The following VRK2 variants were observed in gnomAD, a reference collection of about 807,000 sequenced individuals.
VRK2 encodes serine/threonine-protein kinase VRK2.
A neutral mutation model predicts 57.6 loss-of-function variants in VRK2; 60 were observed. The observed-to-expected ratio is 1.04, with a 90% CI of 0.85 to 1.29. The LOEUF (loss-of-function observed/expected upper bound fraction) is 1.29. Ranked by LOEUF, VRK2 falls within the 50% of genes most tolerant of loss-of-function variation. The probability of loss-of-function intolerance (pLI) is 0.00; values close to 1 mark genes in which losing one functional copy is unlikely to be tolerated. For missense variants in VRK2, 705 were observed against 588.1 expected (o/e 1.20, Z -2.06); for synonymous variants, 231 against 199.2 (o/e 1.16, Z -1.35).
chr2:57,931,518 AC>A (rs1395026432), intron 1 of VRK2, among the ~76,000 whole-genome samples: 3 of 152,070 alleles, frequency 2.0e-5, no homozygotes, highest in African/African-American at 2.4e-5. Flanking sequence ...CTGAATATTA[AC>A]CCCATATCAG....
Position 58,101,423 on chromosome 2 carries a change from C to CACTATAT in VRK2, c.543+11701_543+11707dup, listed in dbSNP as rs1251226348. Reference sequence around the variant, plus strand: ...GCATCTCCAAAAACTAAGGACAATTCACTATATTATCAGAATGTGATTACT... The same window carrying CACTATAT: ...GCATCTCCAAAAACTAAGGACAATTCACTATATACTATATTATCAGAATGTGATTACT... On this transcript the variant is annotated intron_variant, in intron 7 of 12. Transcript: ENST00000340157. 3.5e-4 allele frequency among the ~76,000 whole-genome samples: 53 copies of CACTATAT among 151,708 alleles called. 1 individual carries two copies. Among genetic ancestry groups the CACTATAT allele is most frequent in the African/African-American group, 1.1e-3 (47 of 41,494 alleles).
chr2:57,936,503 T>TTTTTG (rs1010338183), intron 1 of VRK2, among the ~76,000 whole-genome samples: 1 of 151,632 alleles, frequency 6.6e-6, no homozygotes, highest in Non-Finnish European at 1.5e-5. Context: ...TGCTTTCATT[T>TTTTTG]TTTTGTTTTG....
intron 2 of VRK2, among the ~76,000 whole-genome samples, chr2:58,050,754 G>C (rs919390149): frequency 6.6e-6 from 1 of 152,132 alleles, no homozygotes; most frequent in Non-Finnish European, 1.5e-5. Context: ...TATGATAAAG[G>C]AATATACTTG....
intron 2 of VRK2, among the ~76,000 whole-genome samples, chr2:58,059,640 A>G (rs1003612156): frequency 5.9e-5 from 9 of 151,934 alleles, no homozygotes; most frequent in Middle Eastern, 7.5e-3. Context: ...TTGGAAAATT[A>G]TTTTTAAATA....
At chr2:57,928,343 A>G (rs975068274) in intron 1 of VRK2, among the ~76,000 whole-genome samples, 17 of 152,072 alleles carry the variant, frequency 1.1e-4, no homozygotes, top group Admixed American at 9.2e-4. Flanking sequence ...ATTCTTTACT[A>G]TGTCCATTGC....
At chr2:58,088,226 A>G in intron 5 of VRK2, 115 bp from the exon 6 acceptor site, 1 of 713,364 alleles carries the variant, frequency 1.4e-6, no homozygotes. Context: ...AATGGTTTAG[A>G]TTGCATTATA....
intron 9 of VRK2, among the ~76,000 whole-genome samples, chr2:58,133,298 A>T: frequency 6.6e-6 from 1 of 152,210 alleles, no homozygotes; most frequent in East Asian, 1.9e-4. Flanking sequence ...CATAACTTCT[A>T]TTTACATTTT....
At chr2:58,001,717 G>A (rs1215621183) in intron 1 of VRK2, among the ~76,000 whole-genome samples, 1 of 152,114 alleles carries the variant, frequency 6.6e-6, no homozygotes, top group East Asian at 1.9e-4. Context: ...AGCTACTTGG[G>A]AGGCTGAGGC....
intron 1 of VRK2, among the ~76,000 whole-genome samples, chr2:57,908,384 C>T (rs1194415267): frequency 6.6e-6 from 1 of 152,142 alleles, no homozygotes; most frequent in African/African-American, 2.4e-5. Context: ...ATGCTCTGGA[C>T]TTATCTATAA....
At chr2:58,096,520 G>A (rs1673155224) in intron 7 of VRK2, among the ~76,000 whole-genome samples, 1 of 151,770 alleles carries the variant, frequency 6.6e-6, no homozygotes, top group South Asian at 2.1e-4. Context: ...GCGGTGGTCT[G>A]CATTGTAGTT....
At chr2:57,910,931 C>T (rs1455499865) in intron 1 of VRK2, among the ~76,000 whole-genome samples, 1 of 152,122 alleles carries the variant, frequency 6.6e-6, no homozygotes, top group Non-Finnish European at 1.5e-5. Flanking sequence ...ACAGAGTTTG[C>T]AGACTAGGCC....
At chr2:57,942,057 C>G (rs1558504927) in intron 1 of VRK2, among the ~76,000 whole-genome samples, 1 of 152,178 alleles carries the variant, frequency 6.6e-6, no homozygotes, top group Non-Finnish European at 1.5e-5. Context: ...AACTAATAGG[C>G]AGGCAAGTTG....
At chr2:58,059,974 C>G (rs1056504472) in intron 2 of VRK2, among the ~76,000 whole-genome samples, 1 of 151,736 alleles carries the variant, frequency 6.6e-6, no homozygotes, top group Admixed American at 6.6e-5. Context: ...TATACTTGAT[C>G]TTGTTTCTAT....
intron 7 of VRK2, among the ~76,000 whole-genome samples, chr2:58,111,143 G>A (rs779892267): frequency 2.6e-5 from 4 of 152,204 alleles, no homozygotes; most frequent in Admixed American, 6.5e-5. Context: ...TGGAGGAGTC[G>A]AGAAGTTCAC....
intron 1 of VRK2, among the ~76,000 whole-genome samples, chr2:57,933,771 A>G (rs1670816669): frequency 6.6e-6 from 1 of 151,892 alleles, no homozygotes; most frequent in East Asian, 1.9e-4. Flanking sequence ...AATTTGTTCA[A>G]TGTTTTCTGG....
chr2:58,098,800 G>A (rs372146716), intron 7 of VRK2, among the ~76,000 whole-genome samples: 5 of 151,958 alleles, frequency 3.3e-5, no homozygotes, highest in Admixed American at 6.6e-5. Context: ...GAAGTGATAC[G>A]TCTTAAGAAA....
chr2:58,146,022 T>C (rs1026496087), intron 11 of VRK2, among the ~76,000 whole-genome samples: 13 of 152,096 alleles, frequency 8.5e-5, no homozygotes, highest in African/African-American at 2.4e-4. Flanking sequence ...CAGTCTATCA[T>C]TGATGCACAT....
chr2:58,037,298 G>T (rs1319184417), intron 3 of VRK2, among the ~76,000 whole-genome samples: 2 of 151,900 alleles, frequency 1.3e-5, no homozygotes, highest in Non-Finnish European at 2.9e-5. Context: ...ACACAGCCAA[G>T]GTCTATAATG....
intron 7 of VRK2, among the ~76,000 whole-genome samples, chr2:58,118,778 C>T (rs973430919): frequency 1.1e-4 from 17 of 152,040 alleles, no homozygotes; most frequent in South Asian, 2.1e-4. Context: ...TGGGTGCAGG[C>T]GGTTGAGTCC....
Sources: gnomAD v4.1 joint callset for allele counts (sites outside exome capture counted in the v4.1 genomes callset) on GRCh38, gnomAD v4.1.1 for gene constraint, MANE v1.5 for transcripts, NCBI Gene and HGNC (gene_info 2026-07-23, HGNC 2026-07-21) for gene names.